The following SREBF2 variants were observed in gnomAD, a reference collection of about 807,000 sequenced individuals.
SREBF2 encodes sterol regulatory element-binding protein 2.
SREBF2 carries 55 observed loss-of-function variants against 113.1 expected under a neutral mutation model. The observed-to-expected ratio is 0.49, with a 90% CI of 0.39 to 0.61. SREBF2 has a LOEUF of 0.61. Among genes scored for constraint, SREBF2 ranks in the 20% least tolerant of loss-of-function variants. The probability of loss-of-function intolerance (pLI) is 0.00; values close to 1 mark genes in which losing one functional copy is unlikely to be tolerated. For missense variants in SREBF2, 1,349 were observed against 1,487.4 expected (o/e 0.91, Z 1.53); for synonymous variants, 593 against 605.7 (o/e 0.98, Z 0.31).
At chr22:41,848,270 G>A (rs1016735641) in intron 1 of SREBF2, among the ~76,000 whole-genome samples, 14 of 151,822 alleles carry the variant, frequency 9.2e-5, no homozygotes, top group Admixed American at 1.3e-4. Flanking sequence ...TATTTTTTTA[G>A]TAGAGACGGA....
chr22:41,867,394 T>G (rs2077093326), intron 2 of SREBF2, 114 bp downstream of exon 2: 1 of 1,173,060 alleles, frequency 8.5e-7, no homozygotes, highest in Non-Finnish European at 1.3e-6. Context: ...ATCAATATGG[T>G]CCTGTCTGAA....
intron 11 of SREBF2, chr22:41,891,388 G>A (rs145613597): frequency 6.1e-4 from 93 of 152,306 alleles, no homozygotes; most frequent in African/African-American, 2.1e-3. Context: ...CCTGGTCCCA[G>A]TGATTAGAAA....
rs761860042 is a variant in SREBF2 at position 41,871,052 on chromosome 22, C to G, written c.867+17C>G. The G allele has an allele frequency of 1.2e-5, 19 of 1,613,712 alleles. No homozygotes were observed. Among genetic ancestry groups the G allele is most frequent in the Admixed American group, 1.7e-5 (1 of 59,986 alleles). On this transcript the variant is annotated intron_variant, in intron 4 of 18. Transcript: ENST00000361204. ...CAAGTACCAGTAAGAGCTGCCTTCTCCCCCACCCTCCTCCCTCCCCCTTTA... is the reference window on the plus strand; with the variant it reads ...CAAGTACCAGTAAGAGCTGCCTTCTGCCCCACCCTCCTCCCTCCCCCTTTA...
chr22:41,881,085 G>GAAGTC (rs2077241325), intron 10 of SREBF2, 93 bp downstream of exon 10: 1 of 1,505,332 alleles, frequency 6.6e-7, no homozygotes, highest in African/African-American at 1.4e-5. Context: ...CACCCTAGCT[G>GAAGTC]AAGTCCCTTT....
At chr22:41,864,885 G>C (rs1261958216) in intron 1 of SREBF2, among the ~76,000 whole-genome samples, 1 of 152,056 alleles carries the variant, frequency 6.6e-6, no homozygotes, top group African/African-American at 2.4e-5. Flanking sequence ...CCTGGGAGGT[G>C]GAGGCTGCAG....
At chr22:41,853,251 G>T (rs1206664435) in intron 1 of SREBF2, among the ~76,000 whole-genome samples, 5 of 152,010 alleles carry the variant, frequency 3.3e-5, no homozygotes, top group Admixed American at 3.3e-4. Context: ...TTGTGCTTTG[G>T]CCCCTAACAA....
chr22:41,833,536 C>A lies in SREBF2; in HGVS notation c.88+178C>A. On this transcript the variant is annotated intron_variant, in intron 1 of 18. Transcript: ENST00000361204. The surrounding 1 kb of genome is among the most constrained non-coding windows in gnomAD (Gnocchi z 4.1). ...CCGGCGCTGCGAGCGTGAGCCCGAC[C>A]CAGCTGCGCCGCTCCGGGAGGCCGT... The A allele has an allele frequency of 2.0e-6, 1 of 490,354 alleles. No homozygotes were observed. The highest frequency in any genetic ancestry group is 3.5e-6 in the Non-Finnish European group (1 of 288,404). 30.4% of individuals were successfully genotyped at this position (490,354 alleles called of 1,614,324 possible). A position where few individuals can be genotyped will look rare whatever the true frequency, so the allele number is the denominator to read the frequency against.
At chr22:41,898,499 A>C in intron 14 of SREBF2, 150 bp from the exon 15 acceptor site, 4 of 968,928 alleles carry the variant, frequency 4.1e-6, no homozygotes, top group Non-Finnish European at 6.4e-6. Context: ...CTCCCCCAGA[A>C]TCCTGGGTGT....
rs572769520 is a variant in SREBF2, at chr22:41,867,215, C to G, written c.473C>G (p.Thr158Ser). 6.2e-7 allele frequency: 1 copy of G among 1,614,204 alleles called. No individual in the cohort carries two copies. The highest frequency in any genetic ancestry group is 2.2e-5 in the East Asian group (1 of 44,890). The change falls in exon 2 of 19, where the codon ACC becomes AGC. Residue 158 changes from threonine (T) to serine (S), a missense_variant. Physicochemically the swap from Thr to Ser is moderately conservative, Grantham distance 58. Coordinates refer to ENST00000361204, the MANE Select transcript of SREBF2 (RefSeq NM_004599.4). ...QTVMITPTFS[T>S]TPQTRIIQQP... Reference sequence around the variant, plus strand: ...GTAATGATCACGCCAACATTCAGCACCACTCCGCAGACGAGGATCATCCAG... The same window carrying G: ...GTAATGATCACGCCAACATTCAGCAGCACTCCGCAGACGAGGATCATCCAG...
chr22:41,858,767 T>A (rs2148364387), intron 1 of SREBF2, among the ~76,000 whole-genome samples: 1 of 150,424 alleles, frequency 6.6e-6, no homozygotes, highest in African/African-American at 2.4e-5. Context: ...ACCCAGAACT[T>A]ACTGTGAAAT....
chr22:41,882,802 A>G (rs1196856452), intron 10 of SREBF2, among the ~76,000 whole-genome samples: 1 of 152,192 alleles, frequency 6.6e-6, no homozygotes, highest in Admixed American at 6.5e-5. Context: ...GCAAAACTCC[A>G]TCTCAAAAAG....
chr22:41,859,371 A>T (rs189979268), intron 1 of SREBF2, among the ~76,000 whole-genome samples: 1 of 152,320 alleles, frequency 6.6e-6, no homozygotes, highest in East Asian at 1.9e-4. Context: ...TTCATAACAC[A>T]TGCAGTGACC....
rs748761299 is a variant in SREBF2, at chr22:41,905,580, G to A, written c.3346G>A (p.Val1116Met). 30 of 1,598,434 alleles carry A rather than the reference G, an allele frequency of 1.9e-5. No individual in the cohort carries two copies. Among genetic ancestry groups the A allele is most frequent in the Non-Finnish European group, 2.4e-5 (28 of 1,173,410 alleles). ...LAEAARTLEKVGDRRSCNDCQ... is the reference protein window; with the variant it reads ...LAEAARTLEKMGDRRSCNDCQ... ...CGAAGCTGCCCGCACCCTGGAGAAG[G>A]TGGGCGACCGGCGCTCCTGCAACGA... Residue 1116 changes from valine (V) to methionine (M), a missense_variant, in exon 19 of 19, where the codon GTG becomes ATG. Val to Met is a conservative substitution (Grantham distance 21). Around this residue, in one of 2 missense-constraint regions of SREBF2, gnomAD observed 650 missense variants for 644.1 expected, o/e 1.01. Coordinates refer to ENST00000361204, the MANE Select transcript of SREBF2 (RefSeq NM_004599.4).
Position 41,870,922 on chromosome 22 carries a change from T to G in SREBF2, c.754T>G (p.Ser252Ala). 6.2e-7 allele frequency: 1 copy of G among 1,614,098 alleles called. No individual in the cohort carries two copies. Among genetic ancestry groups the G allele is most frequent in the Non-Finnish European group, 8.5e-7 (1 of 1,180,008 alleles). The change falls in exon 4 of 19, where the codon TCC becomes GCC. Residue 252 changes from serine to alanine, a missense_variant. Ser to Ala is a moderately conservative substitution (Grantham distance 99). Transcript: ENST00000361204. Reference sequence around the variant, plus strand: ...CCAGCCTCAGATCATCAAGACAGATTCCCTTGTTTTGACCACACTGAAGAC... The same window carrying G: ...CCAGCCTCAGATCATCAAGACAGATGCCCTTGTTTTGACCACACTGAAGAC... ...LVQPQIIKTDSLVLTTLKTDG... is the reference protein window; with the variant it reads ...LVQPQIIKTDALVLTTLKTDG...
chr22:41,854,967 A>C (rs1221476809), intron 1 of SREBF2, among the ~76,000 whole-genome samples: 3 of 151,548 alleles, frequency 2.0e-5, no homozygotes, highest in Non-Finnish European at 4.4e-5. Flanking sequence ...GGTTCAAGCG[A>C]TCCTCCCATC....
intron 2 of SREBF2, among the ~76,000 whole-genome samples, 168 bp downstream of exon 2, chr22:41,867,448 T>C (rs1602303423): frequency 6.6e-6 from 1 of 152,310 alleles, no homozygotes; most frequent in African/African-American, 2.4e-5. Context: ...CAGGAGCATG[T>C]CACATTCTGC....
chr22:41,862,408 A>C (rs1465978261), intron 1 of SREBF2, among the ~76,000 whole-genome samples: 1 of 152,220 alleles, frequency 6.6e-6, no homozygotes. Flanking sequence ...AGCAGCTAAA[A>C]ACAGGAGCAG....
intron 10 of SREBF2, among the ~76,000 whole-genome samples, chr22:41,881,763 G>A (rs2077247749): frequency 6.6e-6 from 1 of 152,164 alleles, no homozygotes; most frequent in East Asian, 1.9e-4. Flanking sequence ...TCAGGTTTGT[G>A]CTTCTCAAGT....
intron 1 of SREBF2, among the ~76,000 whole-genome samples, chr22:41,851,056 A>G (rs761208834): frequency 3.9e-5 from 6 of 152,138 alleles, no homozygotes; most frequent in Non-Finnish European, 8.8e-5. Flanking sequence ...CCTCACTTTT[A>G]AAACATAATA....
Sources: allele counts gnomAD v4.1 joint callset (sites outside exome capture counted in the v4.1 genomes callset), GRCh38; gene constraint gnomAD v4.1.1; regional missense constraint gnomAD v4.1.1; non-coding constraint Gnocchi (gnomAD v3.1); transcripts MANE v1.5; gene names NCBI Gene and HGNC (gene_info 2026-07-23, HGNC 2026-07-21).